Variants in MCF2L observed in about 807,000 individuals in gnomAD.
MCF2L encodes the protein guanine nucleotide exchange factor DBS.
Under a neutral mutation model 153.4 loss-of-function variants are expected in MCF2L, and 97 were observed. That is an observed-to-expected ratio of 0.63 (90% confidence interval 0.54 to 0.75). The LOEUF (loss-of-function observed/expected upper bound fraction) is 0.75. MCF2L is among the 30% of genes least tolerant of loss of function. The pLI, the probability that MCF2L is intolerant of heterozygous loss-of-function variation, is 0.00. For synonymous variants in MCF2L, 659 were observed against 632.2 expected, an observed-to-expected ratio of 1.04 and a Z score of -0.64; for missense variants, 1,347 against 1,495.2, an observed-to-expected ratio of 0.90 and a Z score of 1.64.
chr13:112,980,774 A>G (rs532476963), intron 1 of MCF2L, among the ~76,000 whole-genome samples: 3 of 139,532 alleles, frequency 2.2e-5, no homozygotes, highest in African/African-American at 5.1e-5. Context: ...AAAATAACAG[A>G]TCCCAGCCTC....
intron 1 of MCF2L, among the ~76,000 whole-genome samples, chr13:112,987,333 G>A (rs987657628): frequency 8.0e-5 from 2 of 25,000 alleles, no homozygotes; most frequent in East Asian, 5.7e-4. Context: ...GCAGCCCAGG[G>A]CTCGTTGTCT....
intron 1 of MCF2L, among the ~76,000 whole-genome samples, chr13:112,897,254 G>A (rs942528239): frequency 1.3e-4 from 19 of 150,886 alleles, no homozygotes; most frequent in African/African-American, 3.9e-4. Context: ...GGTAGGATAC[G>A]GGACACGGTA....
intron 26 of MCF2L, chr13:113,090,431 C>CGGGCGG: frequency 1.6e-6 from 1 of 626,792 alleles, no homozygotes; most frequent in Non-Finnish European, 2.0e-6. Flanking sequence ...CCTCCTTCCT[C>CGGGCGG]TCCCTGCCCC....
At chr13:113,089,940 CA>C in intron 26 of MCF2L, 1 of 1,597,586 alleles carries the variant, frequency 6.3e-7, no homozygotes, top group Non-Finnish European at 8.5e-7. Context: ...TCAGCAAGGC[CA>C]GCCCCAGAAG....
At chr13:112,961,994 C>CACACACAA (rs1491482623) in intron 2 of MCF2L, among the ~76,000 whole-genome samples, 1 of 152,092 alleles carries the variant, frequency 6.6e-6, no homozygotes, top group African/African-American at 2.4e-5. Flanking sequence ...CACACACATG[C>CACACACAA]ACACACAAAC....
At position 113,087,344 on chromosome 13, in the gene MCF2L, T is replaced by G; in HGVS notation, c.2483T>G (p.Met828Arg). Reference sequence around the variant, plus strand: ...AAGGAGCTGGCCAGGTTCAAGCCCATGCAGCGGCACCTGTTCCTGCACGAG... The same window carrying G: ...AAGGAGCTGGCCAGGTTCAAGCCCAGGCAGCGGCACCTGTTCCTGCACGAG... ...KVKELARFKP[M>R]QRHLFLHEKA... Residue 828 changes from methionine (M) to arginine (R), a missense_variant, in exon 22 of 30, where the codon ATG becomes AGG. Around this residue, in one of 3 missense-constraint regions of MCF2L, gnomAD observed 144 missense variants for 238.7 expected, o/e 0.60. Transcript: ENST00000535094. 1.9e-6 allele frequency: 3 copies of G among 1,613,422 alleles called. No individual in the cohort carries two copies. Among genetic ancestry groups the G allele is most frequent in the Non-Finnish European group, 2.5e-6 (3 of 1,180,036 alleles).
intron 2 of MCF2L, among the ~76,000 whole-genome samples, chr13:112,931,399 C>T (rs879541818): frequency 1.3e-5 from 2 of 152,194 alleles, no homozygotes; most frequent in Admixed American, 6.5e-5. Context: ...TGAAACTGAG[C>T]GATTAGGTGA....
At chr13:112,909,296 C>T (rs1375565539) in intron 2 of MCF2L, 4 of 779,766 alleles carry the variant, frequency 5.1e-6, no homozygotes, top group Non-Finnish European at 9.6e-6. Context: ...TCCTGCCAGT[C>T]TCGGGAGGCA....
Position 112,904,014 on chromosome 13 carries a change from C to T in MCF2L, c.169+1643C>T, listed in dbSNP as rs748551627. 1.3e-5 allele frequency among the ~76,000 whole-genome samples: 2 copies of T among 152,180 alleles called. No homozygotes were observed. The highest frequency in any genetic ancestry group is 2.9e-5 in the Non-Finnish European group (2 of 68,034). ...TGGAAGGTTGCTGAGTCTTCCCGCGCTCAGCTTGGCTGTGAATTAACTGCC... is the reference window on the plus strand; with the variant it reads ...TGGAAGGTTGCTGAGTCTTCCCGCGTTCAGCTTGGCTGTGAATTAACTGCC... On this transcript the variant is annotated intron_variant, in intron 2 of 29. Coordinates refer to the MCF2L transcript ENST00000375608. This position sits in a 1 kb window ranked among gnomAD's most constrained non-coding sequence, Gnocchi z 4.2.
At chr13:113,013,402 C>T (rs994770647) in intron 1 of MCF2L, among the ~76,000 whole-genome samples, 6 of 152,204 alleles carry the variant, frequency 3.9e-5, no homozygotes, top group East Asian at 1.9e-4. Flanking sequence ...TGCTTCCCCC[C>T]CAACACCAGG....
chr13:112,940,914 CTTT>C (rs2081569307), intron 2 of MCF2L, among the ~76,000 whole-genome samples: 3 of 152,174 alleles, frequency 2.0e-5, no homozygotes, highest in Non-Finnish European at 4.4e-5. Flanking sequence ...CAGCCAGCAC[CTTT>C]CTTTGCTCTG....
intron 3 of MCF2L, among the ~76,000 whole-genome samples, chr13:113,034,690 C>G (rs977778770): frequency 1.3e-5 from 2 of 152,144 alleles, no homozygotes; most frequent in African/African-American, 4.8e-5. Context: ...CACCCTCACC[C>G]TGGTCTCACC....
At chr13:112,933,741 C>T (rs541996226) in intron 2 of MCF2L, among the ~76,000 whole-genome samples, 2 of 152,374 alleles carry the variant, frequency 1.3e-5, no homozygotes, top group South Asian at 4.1e-4. Flanking sequence ...GAAATCATGA[C>T]GCAGCTGGCC....
chr13:112,915,410 C>CAAA (rs779274453), intron 2 of MCF2L, among the ~76,000 whole-genome samples: 2 of 86,934 alleles, frequency 2.3e-5, no homozygotes, highest in Admixed American at 1.3e-4. Flanking sequence ...CTCTGTCTCA[C>CAAA]AAAAAAAAAA....
chr13:112,947,366 C>G (rs1033636185), intron 2 of MCF2L, among the ~76,000 whole-genome samples: 4 of 152,098 alleles, frequency 2.6e-5, no homozygotes, highest in Non-Finnish European at 5.9e-5. Flanking sequence ...ATTCCAACAC[C>G]AACTCAAAAA....
intron 1 of MCF2L, among the ~76,000 whole-genome samples, chr13:113,010,504 C>T (rs949720479): frequency 1.3e-5 from 2 of 152,198 alleles, no homozygotes; most frequent in Admixed American, 1.3e-4. Flanking sequence ...CCTTCCCACG[C>T]TTGGGAAATC....
intron 4 of MCF2L, among the ~76,000 whole-genome samples, chr13:113,055,985 C>T (rs909947321): frequency 4.6e-5 from 7 of 152,210 alleles, no homozygotes; most frequent in Admixed American, 1.3e-4. Flanking sequence ...TCATCCACTC[C>T]GCAGCAGACA....
At chr13:112,968,550 G>T (rs1373712285), upstream of MCF2L, 14 of 1,550,322 alleles carry the variant, frequency 9.0e-6, no homozygotes, top group Non-Finnish European at 1.1e-5. Flanking sequence ...CCCCTGCGGG[G>T]AGGGGCTGGT....
chr13:112,935,795 G>C (rs778781724), intron 2 of MCF2L, among the ~76,000 whole-genome samples: 2 of 152,192 alleles, frequency 1.3e-5, no homozygotes, highest in Non-Finnish European at 2.9e-5. Flanking sequence ...AGTGGGGGTT[G>C]CCTAGGCCAA....
Sources: gnomAD v4.1 joint callset for allele counts (sites outside exome capture counted in the v4.1 genomes callset) on GRCh38, gnomAD v4.1.1 for gene constraint, gnomAD v4.1.1 regional missense constraint, Gnocchi (gnomAD v3.1) non-coding constraint, MANE v1.5 for transcripts, NCBI Gene and HGNC (gene_info 2026-07-23, HGNC 2026-07-21) for gene names.